Variants in TAB1 observed in about 807,000 individuals in gnomAD.
The protein encoded by TAB1 is TGF-beta activated kinase 1 (MAP3K7) binding protein 1, also known as TGF-beta-activated kinase 1 and MAP3K7-binding protein 1.
TAB1 carries 30 observed loss-of-function variants against 54.5 expected under a neutral mutation model. The observed-to-expected ratio is 0.55, with a 90% CI of 0.41 to 0.75. The LOEUF is 0.75. Ranked by LOEUF, TAB1 falls within the 30% of genes least tolerant of loss-of-function variation. The probability of loss-of-function intolerance (pLI) is 0.00; values close to 1 mark genes in which losing one functional copy is unlikely to be tolerated. For missense variants in TAB1, 609 were observed against 683.2 expected (o/e 0.89, Z 1.21); for synonymous variants, 289 against 286.9 (o/e 1.01, Z -0.07).
At chr22:39,433,467 AG>A (rs1927663533), downstream of TAB1, 1 of 983,516 alleles carries the variant, frequency 1.0e-6, no homozygotes, top group African/African-American at 1.8e-5. Context: ...AAAAAAAAAA[AG>A]ACATCAGTCT....
At chr22:39,419,786 CAAA>C (rs201644827) in intron 7 of TAB1, among the ~76,000 whole-genome samples, 156 bp downstream of exon 7, 1 of 136,240 alleles carries the variant, frequency 7.3e-6, no homozygotes, top group Non-Finnish European at 1.6e-5. Flanking sequence ...GACCCTGTCT[CAAA>C]AAAAAAAAAA....
intron 3 of TAB1, 62 bp from the exon 4 acceptor site, chr22:39,416,729 A>G (rs913502457): frequency 5.7e-5 from 85 of 1,494,666 alleles, no homozygotes; most frequent in Non-Finnish European, 7.6e-5. Context: ...AATAGAGGAC[A>G]TTTTGGCACC....
At chr22:39,429,030 C>T in intron 10 of TAB1, 1 of 984,756 alleles carries the variant, frequency 1.0e-6, no homozygotes, top group Non-Finnish European at 1.2e-6. Context: ...TGGAGGAGTC[C>T]TCCAGCTGTG....
In TAB1 at chr22:39,416,882, T is replaced by C. The variant is rs528153263; in HGVS notation, c.411+5T>C. On this transcript the variant is annotated splice_donor_5th_base_variant and intron_variant, in intron 4 of 10. Transcript: ENST00000216160. ...CTCCAGTCGCAATTGCCAGAGGTAA[T>C]TTCCCCAGCCGACACCCAGGGGAGT... 1.9e-6 allele frequency: 3 copies of C among 1,614,110 alleles called. No individual in the cohort carries two copies. In the Admixed American group the frequency reaches 5.0e-5, roughly 27 times the overall value.
chr22:39,421,291 G>A (rs952414551), intron 7 of TAB1, among the ~76,000 whole-genome samples: 6 of 152,074 alleles, frequency 3.9e-5, no homozygotes, highest in Non-Finnish European at 2.9e-5. Context: ...CGGACCCTCA[G>A]GAAGTTCTTA....
intron 6 of TAB1, among the ~76,000 whole-genome samples, chr22:39,419,148 G>A (rs1926962064): frequency 6.6e-6 from 1 of 152,234 alleles, no homozygotes; most frequent in Non-Finnish European, 1.5e-5. Flanking sequence ...GACACTTACT[G>A]TTATTGGTGG....
intron 4 of TAB1, 149 bp downstream of exon 4, chr22:39,417,026 G>T: frequency 1.4e-6 from 1 of 727,386 alleles, no homozygotes; most frequent in Non-Finnish European, 2.4e-6. Flanking sequence ...TGTGGCCACA[G>T]GTGAGGGACC....
rs775330445 is a variant in TAB1 at position 39,428,079 on chromosome 22, C to T, written c.1203C>T (p.Ser401=). ...SVPYSSAQST[S]KTSVTLSLVM... ...CATACTCCAGCGCCCAGAGCACCAGCAAGACCAGCGTGACCCTCTCCCTTG... is the reference window on the plus strand; with the variant it reads ...CATACTCCAGCGCCCAGAGCACCAGTAAGACCAGCGTGACCCTCTCCCTTG... Residue 401 remains serine, a synonymous_variant, in exon 10 of 11, where the codon AGC becomes AGT. Coordinates refer to ENST00000216160, the MANE Select transcript of TAB1 (RefSeq NM_006116.3). 1.4e-5 allele frequency: 23 copies of T among 1,613,820 alleles called. No individual in the cohort carries two copies. The highest frequency in any genetic ancestry group is 1.6e-5 in the Non-Finnish European group (19 of 1,179,744).
chr22:39,417,465 A>C (rs1040266966), intron 4 of TAB1, among the ~76,000 whole-genome samples: 2 of 152,124 alleles, frequency 1.3e-5, no homozygotes, highest in African/African-American at 4.8e-5. Flanking sequence ...CTAAAAATAC[A>C]AAAAATTAGC....
Position 39,426,809 on chromosome 22 carries a change from C to T in TAB1, c.1028C>T (p.Ala343Val). The T allele has an allele frequency of 6.2e-7, 1 of 1,614,020 alleles. No homozygotes were observed. The highest frequency in any genetic ancestry group is 8.5e-7 in the Non-Finnish European group (1 of 1,180,046). ...AAGCGCATCCACAGCGACACCTTCG[C>T]CAGTGGTGGGGAGCGTGCCAGGTTC... ...RVKRIHSDTF[A>V]SGGERARFCP... The change falls in exon 9 of 11, where the codon GCC becomes GTC. Residue 343 changes from alanine (A) to valine (V), a missense_variant. By Grantham distance (64) the Ala-to-Val change is moderately conservative. Transcript: ENST00000216160.
intron 1 of TAB1, among the ~76,000 whole-genome samples, chr22:39,400,231 T>C (rs1425048855): frequency 6.6e-6 from 1 of 152,230 alleles, no homozygotes; most frequent in Non-Finnish European, 1.5e-5. Flanking sequence ...TTGTGTTAAT[T>C]GCTTTACATT....
chr22:39,422,177 G>A (rs984187351), intron 8 of TAB1, among the ~76,000 whole-genome samples: 1 of 152,156 alleles, frequency 6.6e-6, no homozygotes, highest in East Asian at 1.9e-4. Context: ...AGCAGTGCCA[G>A]TCCTCAGGGC....
At chr22:39,436,224 C>T (rs144890286), downstream of TAB1, among the ~76,000 whole-genome samples, 6 of 151,850 alleles carry the variant, frequency 4.0e-5, no homozygotes, top group African/African-American at 1.4e-4. Flanking sequence ...ACCCTGGAGG[C>T]GGAGGTTGCA....
chr22:39,425,635 C>T (rs1425173362), intron 8 of TAB1, among the ~76,000 whole-genome samples: 3 of 150,840 alleles, frequency 2.0e-5, no homozygotes, highest in African/African-American at 7.3e-5. Flanking sequence ...GCTTACTGAT[C>T]ACCTCCCGGG....
chr22:39,423,414 G>A (rs1927179626), intron 8 of TAB1, among the ~76,000 whole-genome samples: 1 of 152,220 alleles, frequency 6.6e-6, no homozygotes. Context: ...AGACCAGCCT[G>A]GCCAACATGG....
At position 39,430,465 on chromosome 22, in the gene TAB1, A is replaced by T; in HGVS notation, c.*243A>T. 7.1e-7 allele frequency: 1 copy of T among 1,399,922 alleles called. No homozygotes were observed. The highest frequency in any genetic ancestry group is 9.3e-7 in the Non-Finnish European group (1 of 1,076,064). 86.7% of individuals were successfully genotyped at this position (1,399,922 alleles called of 1,614,324 possible). A position where few individuals can be genotyped will look rare whatever the true frequency, so the allele number is the denominator to read the frequency against. On this transcript the variant is annotated 3_prime_UTR_variant, in exon 11 of 11. Coordinates refer to ENST00000216160, the MANE Select transcript of TAB1 (RefSeq NM_006116.3). Reference sequence around the variant, plus strand: ...CTCCCAGATGGCCTCAGCCAGGACCATCGCCCTTTCTCAGAGCAGAGGGCC... The same window carrying T: ...CTCCCAGATGGCCTCAGCCAGGACCTTCGCCCTTTCTCAGAGCAGAGGGCC...
At chr22:39,405,947 C>T (rs977393968) in intron 1 of TAB1, among the ~76,000 whole-genome samples, 7 of 152,122 alleles carry the variant, frequency 4.6e-5, no homozygotes, top group African/African-American at 1.7e-4. Flanking sequence ...AGAAACTGCC[C>T]ATGTGTCATT....
At chr22:39,399,865 G>T in intron 1 of TAB1, 30 bp downstream of exon 1, 1 of 1,583,972 alleles carries the variant, frequency 6.3e-7, no homozygotes, top group Non-Finnish European at 8.6e-7. Flanking sequence ...TCTGGGCTTG[G>T]GGTTGGGAGC....
chr22:39,421,174 C>A (rs1204504212), intron 7 of TAB1, among the ~76,000 whole-genome samples: 1 of 152,120 alleles, frequency 6.6e-6, no homozygotes, highest in Admixed American at 6.5e-5. Flanking sequence ...TGTTTACACA[C>A]CCCTCACTGC....
Sources: allele counts gnomAD v4.1 joint callset (sites outside exome capture counted in the v4.1 genomes callset), GRCh38; gene constraint gnomAD v4.1.1; transcripts MANE v1.5; gene names NCBI Gene and HGNC (gene_info 2026-07-23, HGNC 2026-07-21).